Variants in PTPN14 observed in about 807,000 individuals in gnomAD.
The protein encoded by PTPN14 is tyrosine-protein phosphatase non-receptor type 14.
In PTPN14, 53 loss-of-function variants were observed where a neutral mutation model predicts 126.8. That is an observed-to-expected ratio of 0.42 (90% confidence interval 0.34 to 0.53). PTPN14 has a LOEUF of 0.53. Among genes scored for constraint, PTPN14 ranks in the 20% least tolerant of loss-of-function variants. The pLI, the probability that PTPN14 is intolerant of heterozygous loss-of-function variation, is 0.08. For missense variants in PTPN14, 1,257 were observed against 1,552.9 expected, an observed-to-expected ratio of 0.81 and a Z score of 3.20; for synonymous variants, 630 against 599.3, an observed-to-expected ratio of 1.05 and a Z score of -0.75.
chr1:214,544,097 T>C (rs1655909831), intron 1 of PTPN14, among the ~76,000 whole-genome samples: 1 of 152,198 alleles, frequency 6.6e-6, no homozygotes, highest in Admixed American at 6.5e-5. Flanking sequence ...GTAAACTTAC[T>C]AATGCTGGTA....
intron 10 of PTPN14, 76 bp from the exon 11 acceptor site, chr1:214,391,121 G>A: frequency 4.4e-6 from 5 of 1,138,198 alleles, no homozygotes; most frequent in Non-Finnish European, 4.9e-6. Context: ...GGGAAGGAGA[G>A]GAAGAGAATA....
At position 214,549,728 on chromosome 1, in the gene PTPN14, T is replaced by C. The variant is rs535962336; in HGVS notation, c.-155+1455A>G. Among the ~76,000 whole-genome samples the C allele has an allele frequency of 3.0e-4, 45 of 152,292 alleles. No individual in the cohort carries two copies. In the East Asian group the frequency reaches 4.2e-3, roughly 14 times the overall value. On this transcript the variant is annotated intron_variant, in intron 1 of 18. Transcript: ENST00000366956. ...AATACCATTTTAATGAAACCGAGCATGGGCCAATTAAAATGTAGATGATCA... is the reference window on the plus strand; with the variant it reads ...AATACCATTTTAATGAAACCGAGCACGGGCCAATTAAAATGTAGATGATCA...
intron 2 of PTPN14, among the ~76,000 whole-genome samples, chr1:214,452,286 T>A (rs114329998): frequency 1.7e-4 from 26 of 152,358 alleles, no homozygotes; most frequent in African/African-American, 6.3e-4. Context: ...CCCTGATATC[T>A]GAAGACTGCC....
intron 5 of PTPN14, among the ~76,000 whole-genome samples, chr1:214,410,765 T>G (rs1208044496): frequency 6.6e-6 from 1 of 152,208 alleles, no homozygotes; most frequent in Non-Finnish European, 1.5e-5. Flanking sequence ...TGGTTTTAGA[T>G]GTGTGTGATT....
chr1:214,390,345 T>C (rs909186923), intron 11 of PTPN14, among the ~76,000 whole-genome samples: 1 of 152,230 alleles, frequency 6.6e-6, no homozygotes, highest in Non-Finnish European at 1.5e-5. Context: ...TTGTGTTTCC[T>C]TATTCACATG....
chr1:214,403,486 CCAG>C (rs1368035404), intron 5 of PTPN14, among the ~76,000 whole-genome samples: 19 of 152,136 alleles, frequency 1.2e-4, no homozygotes, highest in Non-Finnish European at 2.1e-4. Context: ...TAAAACATCT[CCAG>C]AGAGCTCTGT....
At position 214,401,734 on chromosome 1, in the gene PTPN14, T is replaced by C. The variant is rs755449161; in HGVS notation, c.620A>G (p.Asn207Ser). The C allele has an allele frequency of 1.2e-5, 19 of 1,595,380 alleles. No individual in the cohort carries two copies. In the East Asian group the frequency reaches 2.9e-4, roughly 24 times the overall value. ...AAATCCATCCAAACGTTCAACTTCA[T>C]TGATGTACATCAGTTCAGCTTCTGC... Reference protein sequence around the residue: ...LPAEAELMYINEVERLDGFGQ... With the variant: ...LPAEAELMYISEVERLDGFGQ... Residue 207 changes from asparagine (N) to serine (S), a missense_variant, in exon 7 of 19, where the codon AAT (asparagine) becomes AGT (serine). By Grantham distance (46) the Asn-to-Ser change is conservative. Transcript: ENST00000366956.
At chr1:214,468,562 A>AAAAAG (rs143257419) in intron 1 of PTPN14, among the ~76,000 whole-genome samples, 9,581 of 151,076 alleles carry the variant, frequency 0.063, 319 homozygotes, top group African/African-American at 0.079. Context: ...CAAAAACAAA[A>AAAAAG]AAAAGAAAAG....
In PTPN14 at chr1:214,378,105, T is replaced by C. The variant is rs1658386970; in HGVS notation, c.2545-3A>G. The C allele has an allele frequency of 6.2e-7, 1 of 1,607,380 alleles. No homozygotes were observed. The highest frequency in any genetic ancestry group is 8.5e-7 in the Non-Finnish European group (1 of 1,178,504). On this transcript the variant is annotated splice_region_variant and splice_polypyrimidine_tract_variant and intron_variant, in intron 13 of 18. Transcript: ENST00000366956. ...GCCATCTTCTGCTTCTCTAGATTCT[T>C]GCGGCAAGAAAAGGCATGTGCTCAT...
chr1:214,482,048 C>G (rs1302892114), intron 1 of PTPN14, among the ~76,000 whole-genome samples: 1 of 151,078 alleles, frequency 6.6e-6, no homozygotes, highest in African/African-American at 2.4e-5. Flanking sequence ...TGGATACTCT[C>G]AAGACACTCA....
At chr1:214,481,976 G>A (rs1280951303) in intron 1 of PTPN14, among the ~76,000 whole-genome samples, 5 of 148,776 alleles carry the variant, frequency 3.4e-5, no homozygotes, top group Admixed American at 1.3e-4. Flanking sequence ...GACAGAGCGA[G>A]AGTCTGTCTC....
rs186655318 is a variant in PTPN14 at position 214,382,342 on chromosome 1, G to A, written c.2544+969C>T. Among the ~76,000 whole-genome samples, 162 of 151,982 alleles carry A rather than the reference G, an allele frequency of 1.1e-3. 2 individuals carry two copies. Among genetic ancestry groups the A allele is most frequent in the East Asian group, 9.7e-4 (5 of 5,154 alleles). ...ATTGTACAATATATTTTTTTAAAGC[G>A]ATGAGGTTTAGTCCTGTCATCCAGG... On this transcript the variant is annotated intron_variant, in intron 13 of 18. Coordinates refer to ENST00000366956, the MANE Select transcript of PTPN14 (RefSeq NM_005401.5).
intron 5 of PTPN14, among the ~76,000 whole-genome samples, chr1:214,406,525 A>C (rs975872318): frequency 2.0e-5 from 3 of 152,144 alleles, no homozygotes; most frequent in Non-Finnish European, 4.4e-5. Flanking sequence ...TCTAGCAACT[A>C]AATTTTTAAT....
chr1:214,541,801 G>A (rs193288466), intron 1 of PTPN14, among the ~76,000 whole-genome samples: 3 of 152,092 alleles, frequency 2.0e-5, no homozygotes, highest in Admixed American at 6.5e-5. Flanking sequence ...TGTATGATTC[G>A]CTTATTGTAT....
intron 3 of PTPN14, among the ~76,000 whole-genome samples, chr1:214,416,950 C>A (rs538542326): frequency 1.8e-4 from 27 of 151,768 alleles, no homozygotes; most frequent in African/African-American, 6.5e-4. Context: ...ACAGTGAATT[C>A]TATTTTGGAA....
At chr1:214,422,048 TGACA>T (rs1659556824) in intron 3 of PTPN14, among the ~76,000 whole-genome samples, 1 of 152,118 alleles carries the variant, frequency 6.6e-6, no homozygotes, top group African/African-American at 2.4e-5. Flanking sequence ...GATGAAATAC[TGACA>T]GAGAGACAAA....
At chr1:214,479,546 G>C (rs879048246) in intron 1 of PTPN14, among the ~76,000 whole-genome samples, 1 of 151,712 alleles carries the variant, frequency 6.6e-6, no homozygotes, top group African/African-American at 2.4e-5. Context: ...CACCATGTTG[G>C]CCAGGCTGGT....
chr1:214,534,018 A>G (rs1424421007), intron 1 of PTPN14, among the ~76,000 whole-genome samples: 2 of 152,226 alleles, frequency 1.3e-5, no homozygotes, highest in African/African-American at 4.8e-5. Flanking sequence ...TAATAGATCA[A>G]TAACAATAGA....
intron 18 of PTPN14, among the ~76,000 whole-genome samples, chr1:214,360,885 C>T (rs1380777435): frequency 1.3e-5 from 2 of 152,204 alleles, no homozygotes; most frequent in African/African-American, 4.8e-5. Flanking sequence ...GTGATTGGAA[C>T]ATGGGGGCAG....
Sources: allele counts gnomAD v4.1 joint callset (sites outside exome capture counted in the v4.1 genomes callset), GRCh38; gene constraint gnomAD v4.1.1; transcripts MANE v1.5; gene names NCBI Gene and HGNC (gene_info 2026-07-23, HGNC 2026-07-21).